The following ABCG2 variants were observed in gnomAD, a reference collection of about 807,000 sequenced individuals.
ABCG2 encodes broad substrate specificity ATP-binding cassette transporter ABCG2.
In ABCG2, 80 loss-of-function variants were observed where a neutral mutation model predicts 73.5. That is an observed-to-expected ratio of 1.09 (90% CI 0.91 to 1.31). ABCG2 has a LOEUF of 1.31. ABCG2 is among the 50% of genes most tolerant of loss of function. ABCG2 has a pLI of 0.00. For missense variants in ABCG2, 796 were observed against 786.2 expected (o/e 1.01, Z -0.15); for synonymous variants, 269 against 282.4 (o/e 0.95, Z 0.48).
chr4:88,144,931 A>C (rs1435371241), intron 1 of ABCG2, among the ~76,000 whole-genome samples: 1 of 152,108 alleles, frequency 6.6e-6, no homozygotes, highest in Non-Finnish European at 1.5e-5. Flanking sequence ...TGCGCAACTC[A>C]AAACAACATT....
rs929128772 is a variant in ABCG2, at chr4:88,107,760, A to G, written c.1195-494T>C. ...TATCTTTATTCTTAACATTAAAAAT[A>G]AATAAAAATTTTAAAGCACACATTA... On this transcript the variant is annotated intron_variant, in intron 9 of 15. Coordinates refer to ENST00000237612, the MANE Select transcript of ABCG2 (RefSeq NM_004827.3). 2.0e-5 allele frequency among the ~76,000 whole-genome samples: 3 copies of G among 152,246 alleles called. No individual in the cohort carries two copies. The East Asian group carries it at 5.8e-4, about 29-fold the overall frequency.
intron 1 of ABCG2, among the ~76,000 whole-genome samples, chr4:88,144,748 C>T (rs773866530): frequency 1.3e-5 from 2 of 152,128 alleles, no homozygotes; most frequent in African/African-American, 2.4e-5. Flanking sequence ...TGAGCCACTG[C>T]GCCCAGCACA....
intron 10 of ABCG2, among the ~76,000 whole-genome samples, chr4:88,101,670 G>A (rs1377056439): frequency 6.6e-6 from 1 of 152,166 alleles, no homozygotes; most frequent in Admixed American, 6.5e-5. Flanking sequence ...GGATAGGGAG[G>A]TGGGGAGAGT....
At chr4:88,220,419 T>C (rs1320237710) in intron 1 of ABCG2, 2 of 152,226 alleles carry the variant, frequency 1.3e-5, no homozygotes, top group Non-Finnish European at 2.9e-5. Flanking sequence ...CCATTTTACA[T>C]TCCACCAACA....
chr4:88,113,238 T>C (rs1578187625), intron 9 of ABCG2, 65 bp downstream of exon 9: 1 of 1,553,558 alleles, frequency 6.4e-7, no homozygotes, highest in Non-Finnish European at 8.7e-7. Context: ...AAACATATCC[T>C]GAAGCAGATG....
chr4:88,131,180 C>T lies in ABCG2; in HGVS notation c.412G>A (p.Glu138Lys), dbSNP rs961438533. 6 of 1,613,936 alleles carry T rather than the reference C, an allele frequency of 3.7e-6. No individual in the cohort carries two copies. The African/African-American group carries it at 6.7e-5, about 18-fold the overall frequency. ...DVVMGTLTVR[E>K]NLQFSAALRL... ...AGAGCTGCTGAGAACTGTAAGTTTTCTCTCACCGTCAGAGTGCCCATCACA... is the reference window on the plus strand; with the variant it reads ...AGAGCTGCTGAGAACTGTAAGTTTTTTCTCACCGTCAGAGTGCCCATCACA... Residue 138 changes from glutamate to lysine, a missense_variant, in exon 5 of 16, where the codon GAA (glutamate) becomes AAA (lysine). Transcript: ENST00000237612.
intron 6 of ABCG2, among the ~76,000 whole-genome samples, chr4:88,118,931 T>C (rs1347690023): frequency 6.6e-6 from 1 of 152,226 alleles, no homozygotes; most frequent in Non-Finnish European, 1.5e-5. Flanking sequence ...TAATCTCTGG[T>C]CTAAGTCCAT....
chr4:88,221,653 T>C (rs1205370273), intron 1 of ABCG2, among the ~76,000 whole-genome samples: 2 of 152,158 alleles, frequency 1.3e-5, no homozygotes, highest in Non-Finnish European at 1.5e-5. Context: ...TCTTGGGAAC[T>C]GGAGTAAAGG....
rs182142609 is a variant in ABCG2, at chr4:88,102,475, A to G, written c.1278-1156T>C. ...GCTGGGCGTGGTGGCAGGTGCCTGT[A>G]GTCCCAGCTACTCAGGAGGCTGAGG... On this transcript the variant is annotated intron_variant, in intron 10 of 15. Coordinates refer to ENST00000237612, the MANE Select transcript of ABCG2 (RefSeq NM_004827.3). Among the ~76,000 whole-genome samples the G allele has an allele frequency of 2.0e-3, 302 of 152,150 alleles. 1 individual carries two copies. Among genetic ancestry groups the G allele is most frequent in the African/African-American group, 6.5e-3 (271 of 41,512 alleles).
intron 1 of ABCG2, among the ~76,000 whole-genome samples, chr4:88,179,101 A>G (rs1728124806): frequency 6.6e-6 from 1 of 152,192 alleles, no homozygotes; most frequent in Non-Finnish European, 1.5e-5. Context: ...ACCCAGTGCT[A>G]TGCTGGCTTT....
At chr4:88,166,443 G>C (rs968455336) in intron 1 of ABCG2, among the ~76,000 whole-genome samples, 1 of 152,078 alleles carries the variant, frequency 6.6e-6, no homozygotes, top group African/African-American at 2.4e-5. Context: ...ACTGTACAGA[G>C]AGCCTCTTCA....
At chr4:88,229,558 TAGG>T (rs755016001) in intron 1 of ABCG2, among the ~76,000 whole-genome samples, 36 of 152,326 alleles carry the variant, frequency 2.4e-4, no homozygotes, top group Admixed American at 5.2e-4. Flanking sequence ...GCTTCTACTC[TAGG>T]AGAACGCCCA....
intron 1 of ABCG2, among the ~76,000 whole-genome samples, chr4:88,189,346 T>G (rs1344260570): frequency 6.6e-6 from 1 of 151,762 alleles, no homozygotes; most frequent in African/African-American, 2.4e-5. Flanking sequence ...ACACACCTTC[T>G]CCACAAAAAA....
intron 5 of ABCG2, among the ~76,000 whole-genome samples, chr4:88,122,483 G>A (rs1048015891): frequency 6.6e-6 from 1 of 152,144 alleles, no homozygotes; most frequent in Admixed American, 6.5e-5. Context: ...AGCTTGGTGG[G>A]GGGAGGGGCA....
intron 1 of ABCG2, among the ~76,000 whole-genome samples, chr4:88,146,085 G>A (rs1725978329): frequency 6.6e-6 from 1 of 152,160 alleles, no homozygotes; most frequent in Admixed American, 6.5e-5. Flanking sequence ...GGACATCAAA[G>A]GTTAAGGCTT....
At chr4:88,107,611 A>T (rs1722848288) in intron 9 of ABCG2, among the ~76,000 whole-genome samples, 1 of 152,238 alleles carries the variant, frequency 6.6e-6, no homozygotes, top group African/African-American at 2.4e-5. Context: ...TAGCAGAGCA[A>T]TGCAAGTATG....
intron 2 of ABCG2, among the ~76,000 whole-genome samples, chr4:88,139,068 G>A (rs942703641): frequency 6.6e-6 from 1 of 151,540 alleles, no homozygotes; most frequent in African/African-American, 2.4e-5. Context: ...TTGAACCCGG[G>A]AGGTGGAGGT....
chr4:88,206,881 A>G (rs1729401346), intron 1 of ABCG2, among the ~76,000 whole-genome samples: 1 of 152,166 alleles, frequency 6.6e-6, no homozygotes, highest in African/African-American at 2.4e-5. Context: ...ACAATCCTTT[A>G]GCTAACAGAA....
chr4:88,105,396 C>T (rs1722705587), intron 10 of ABCG2, among the ~76,000 whole-genome samples: 1 of 152,252 alleles, frequency 6.6e-6, no homozygotes, highest in South Asian at 2.1e-4. Flanking sequence ...CTACGGAGCA[C>T]AGTATCTGCC....
Sources: allele counts gnomAD v4.1 joint callset (sites outside exome capture counted in the v4.1 genomes callset), GRCh38; gene constraint gnomAD v4.1.1; transcripts MANE v1.5; gene names NCBI Gene and HGNC (gene_info 2026-07-23, HGNC 2026-07-21).